Variants in TAFA2 observed in about 807,000 individuals in gnomAD.
The protein encoded by TAFA2 is TAFA chemokine like family member 2.
Under a neutral mutation model 18.8 loss-of-function variants are expected in TAFA2, and 7 were observed. That is an observed-to-expected ratio of 0.37 (90% CI 0.21 to 0.70). TAFA2 has a LOEUF of 0.70. Ranked by LOEUF, TAFA2 falls within the 30% of genes least tolerant of loss-of-function variation. The pLI is 0.53. For synonymous variants in TAFA2, 60 were observed against 54.2 expected, an observed-to-expected ratio of 1.11 and a Z score of -0.47; for missense variants, 122 against 158.1, an observed-to-expected ratio of 0.77 and a Z score of 1.23.
At chr12:61,932,692 G>A (rs113302936) in intron 1 of TAFA2, among the ~76,000 whole-genome samples, 10,411 of 152,004 alleles carry the variant, frequency 0.068, 471 homozygotes, top group Non-Finnish European at 0.1. Flanking sequence ...TGTCCTCCTC[G>A]ACCTCCCAAA....
At chr12:61,951,889 A>AT (rs562974528) in intron 1 of TAFA2, among the ~76,000 whole-genome samples, 2 of 73,964 alleles carry the variant, frequency 2.7e-5, no homozygotes, top group Non-Finnish European at 8.0e-5. Context: ...TATTCACTTA[A>AT]TTAAAAAAAA....
intron 1 of TAFA2, among the ~76,000 whole-genome samples, chr12:62,014,105 T>TAA (rs1880851701): frequency 6.6e-6 from 1 of 152,216 alleles, no homozygotes; most frequent in Non-Finnish European, 1.5e-5. Flanking sequence ...CACTGGGCTA[T>TAA]ATAAACACAC....
intron 1 of TAFA2, among the ~76,000 whole-genome samples, chr12:62,163,913 A>G (rs959557020): frequency 2.0e-5 from 3 of 152,130 alleles, no homozygotes; most frequent in African/African-American, 7.2e-5. Flanking sequence ...GGAGATGGGG[A>G]GAAGTAAGAA....
In TAFA2 at chr12:61,710,343, A is replaced by T. The variant is rs1224255256; in HGVS notation, c.*63T>A. The T allele has an allele frequency of 5.3e-6, 8 of 1,512,144 alleles. No individual in the cohort carries two copies. Among genetic ancestry groups the T allele is most frequent in the Non-Finnish European group, 7.4e-6 (8 of 1,087,908 alleles). The allele number at this position is 1,512,144 out of a possible 1,614,324, so 93.7% of individuals were successfully genotyped here. ...ATCTTCAAGATCACCTCAGGAGTTG[A>T]GTTAAGTTTCTATGCGCATGTTCAA... On this transcript the variant is annotated 3_prime_UTR_variant, in exon 5 of 5. Coordinates refer to ENST00000416284, the MANE Select transcript of TAFA2 (RefSeq NM_178539.5).
At chr12:62,154,859 T>C (rs1422514061) in intron 1 of TAFA2, among the ~76,000 whole-genome samples, 7 of 152,172 alleles carry the variant, frequency 4.6e-5, no homozygotes, top group Non-Finnish European at 1.0e-4. Flanking sequence ...CATATGTGAT[T>C]CACAGCATTC....
chr12:61,824,846 T>C (rs1188189646), intron 2 of TAFA2, among the ~76,000 whole-genome samples: 1 of 152,168 alleles, frequency 6.6e-6, no homozygotes, highest in Non-Finnish European at 1.5e-5. Flanking sequence ...CGCACTAAGT[T>C]TTGTGAATGT....
At chr12:62,004,551 G>A (rs1298076734) in intron 1 of TAFA2, among the ~76,000 whole-genome samples, 1 of 152,130 alleles carries the variant, frequency 6.6e-6, no homozygotes, top group African/African-American at 2.4e-5. Flanking sequence ...TCAGATATGA[G>A]TAAAGAGAGG....
At position 61,731,329 on chromosome 12, in the gene TAFA2, C is replaced by T. The variant is rs894466041; in HGVS notation, c.385-20912G>A. On this transcript the variant is annotated intron_variant, in intron 4 of 4. Coordinates refer to ENST00000416284, the MANE Select transcript of TAFA2 (RefSeq NM_178539.5). ...GTGAATTCTTTTGTTTTTTCTGGTA[C>T]GTTCCTGTGGTGGTTCTTGAAGCAA... 4.6e-5 allele frequency among the ~76,000 whole-genome samples: 7 copies of T among 152,124 alleles called. No individual in the cohort carries two copies. In the East Asian group the frequency reaches 7.8e-4, roughly 17 times the overall value.
chr12:61,871,148 G>A (rs1270640221), intron 1 of TAFA2, among the ~76,000 whole-genome samples: 1 of 152,064 alleles, frequency 6.6e-6, no homozygotes, highest in African/African-American at 2.4e-5. Flanking sequence ...AACTGAGAAG[G>A]AAAAGAGAAA....
At chr12:61,929,566 A>G (rs983174169) in intron 1 of TAFA2, among the ~76,000 whole-genome samples, 1 of 152,054 alleles carries the variant, frequency 6.6e-6, no homozygotes, top group Non-Finnish European at 1.5e-5. Flanking sequence ...GGGACTGTAA[A>G]CTAGTTCAAC....
chr12:62,067,294 G>A (rs1882515441), intron 1 of TAFA2, among the ~76,000 whole-genome samples: 1 of 151,188 alleles, frequency 6.6e-6, no homozygotes, highest in Non-Finnish European at 1.5e-5. Context: ...TGTTTCCTTT[G>A]CTGTGCAGAA....
chr12:61,900,766 T>A (rs561924138), intron 1 of TAFA2, among the ~76,000 whole-genome samples: 4 of 152,148 alleles, frequency 2.6e-5, no homozygotes, highest in Non-Finnish European at 5.9e-5. Flanking sequence ...CCAAACCATA[T>A]CAAGTGGGTA....
Position 61,736,118 on chromosome 12 carries a change from C to G in TAFA2, c.384+17504G>C, listed in dbSNP as rs139831986. ...CTCAGCAATCCCTGGCTTACTATGG[C>G]AGAGTCTGCTGGGTTCTGCAAGGTC... On this transcript the variant is annotated intron_variant, in intron 4 of 4. Coordinates refer to ENST00000416284, the MANE Select transcript of TAFA2 (RefSeq NM_178539.5). Among the ~76,000 whole-genome samples the G allele has an allele frequency of 3.0e-3, 459 of 152,010 alleles. 1 individual carries two copies. Among genetic ancestry groups the G allele is most frequent in the African/African-American group, 0.01 (427 of 41,486 alleles).
chr12:61,804,777 T>G (rs903353558), intron 2 of TAFA2, among the ~76,000 whole-genome samples: 5 of 152,018 alleles, frequency 3.3e-5, no homozygotes, highest in Non-Finnish European at 5.9e-5. Flanking sequence ...TTTACAGCTA[T>G]ACCTGCTATT....
chr12:61,743,476 C>T (rs1424174227), intron 4 of TAFA2, among the ~76,000 whole-genome samples: 1 of 152,016 alleles, frequency 6.6e-6, no homozygotes, highest in Non-Finnish European at 1.5e-5. Flanking sequence ...GCTTTAATTC[C>T]CTGAGGTAAA....
intron 2 of TAFA2, among the ~76,000 whole-genome samples, chr12:61,850,645 A>G (rs904883832): frequency 2.6e-5 from 4 of 152,064 alleles, no homozygotes; most frequent in South Asian, 4.1e-4. Flanking sequence ...CTCATGGTAG[A>G]CTGGTTTGGC....
chr12:61,782,818 T>C (rs898878229), intron 2 of TAFA2, among the ~76,000 whole-genome samples: 3 of 151,810 alleles, frequency 2.0e-5, no homozygotes, highest in Non-Finnish European at 4.4e-5. Flanking sequence ...GTTGACATTA[T>C]AGGTAATGCA....
rs1243800962 is a variant in TAFA2, at chr12:62,192,570, A to T, written c.-1313T>A. 6.6e-6 allele frequency: 1 copy of T among 152,458 alleles called. No individual in the cohort carries two copies. Among genetic ancestry groups the T allele is most frequent in the Non-Finnish European group, 1.5e-5 (1 of 68,262 alleles). 9.4% of individuals were successfully genotyped at this position (152,458 alleles called of 1,614,324 possible). ...CCATAAAGGGCAGAGCCCCTGCTCC[A>T]CTCTAGAACCCTATTCCACCCAGCC... On this transcript the variant is annotated 5_prime_UTR_variant, in exon 1 of 5. Transcript: ENST00000416284.
chr12:61,957,226 T>C (rs112309158), intron 1 of TAFA2, among the ~76,000 whole-genome samples: 52 of 152,266 alleles, frequency 3.4e-4, no homozygotes, highest in African/African-American at 1.2e-3. Context: ...CCCATCCCTT[T>C]TTTCCTTCTC....
Sources: allele counts gnomAD v4.1 joint callset (sites outside exome capture counted in the v4.1 genomes callset), GRCh38; gene constraint gnomAD v4.1.1; transcripts MANE v1.5; gene names NCBI Gene and HGNC (gene_info 2026-07-23, HGNC 2026-07-21).